The following STK3 variants were observed in gnomAD, a reference collection of about 807,000 sequenced individuals.
STK3 encodes the protein serine/threonine kinase 3.
In STK3, 41 loss-of-function variants were observed where a neutral mutation model predicts 58.0. The observed-to-expected ratio is 0.71, with a 90% CI of 0.55 to 0.92. The LOEUF is 0.92. STK3 is among the 40% of genes least tolerant of loss of function. The pLI is 0.00. For synonymous variants in STK3, 170 were observed against 191.0 expected (o/e 0.89, Z 0.91); for missense variants, 479 against 602.7 (o/e 0.79, Z 2.15).
intron 6 of STK3, among the ~76,000 whole-genome samples, chr8:98,652,897 T>C (rs1285643794): frequency 1.3e-4 from 20 of 151,934 alleles, no homozygotes; most frequent in Admixed American, 2.6e-4. Flanking sequence ...ACTTTAACAC[T>C]CCACTGTCAA....
chr8:98,499,300 T>C (rs905414833), intron 10 of STK3, among the ~76,000 whole-genome samples: 115 of 152,302 alleles, frequency 7.6e-4, no homozygotes, highest in African/African-American at 2.6e-3. Context: ...CTGGTCCACA[T>C]AACTATAAAA....
intron 1 of STK3, among the ~76,000 whole-genome samples, chr8:98,902,238 C>T (rs1410022945): frequency 6.6e-6 from 1 of 152,152 alleles, no homozygotes; most frequent in Admixed American, 6.5e-5. Context: ...TGACCTCATC[C>T]ATTTCCATGA....
intron 6 of STK3, among the ~76,000 whole-genome samples, chr8:98,661,707 T>C (rs752915664): frequency 1.3e-4 from 20 of 151,794 alleles, no homozygotes; most frequent in Non-Finnish European, 2.2e-4. Flanking sequence ...AATCACCACA[T>C]ACATAAATAA....
chr8:98,770,237 C>A (rs921327922), intron 2 of STK3, among the ~76,000 whole-genome samples: 4 of 152,146 alleles, frequency 2.6e-5, no homozygotes, highest in African/African-American at 9.7e-5. Flanking sequence ...GTCCTCCAGA[C>A]CACTCCACCA....
At chr8:98,762,857 G>A (rs1416684757) in intron 3 of STK3, among the ~76,000 whole-genome samples, 1 of 152,150 alleles carries the variant, frequency 6.6e-6, no homozygotes, top group Non-Finnish European at 1.5e-5. Context: ...TGAACTGTTG[G>A]AATCTTTTTA....
chr8:98,899,388 C>A (rs911101117), intron 1 of STK3, among the ~76,000 whole-genome samples: 2 of 152,142 alleles, frequency 1.3e-5, no homozygotes, highest in Non-Finnish European at 2.9e-5. Flanking sequence ...ATTCAACCAA[C>A]CTCAGATCAA....
intron 10 of STK3, among the ~76,000 whole-genome samples, chr8:98,518,092 TC>T (rs1431385645): frequency 6.6e-6 from 1 of 152,112 alleles, no homozygotes; most frequent in African/African-American, 2.4e-5. Flanking sequence ...TTCTTGGAGC[TC>T]TTTTTGTAAG....
intron 10 of STK3, among the ~76,000 whole-genome samples, chr8:98,469,125 AAAAG>A (rs1468314590): frequency 6.6e-6 from 1 of 151,554 alleles, no homozygotes; most frequent in Admixed American, 6.6e-5. Flanking sequence ...AAAAAGAAAG[AAAAG>A]AAAGATGAGA....
intron 3 of STK3, among the ~76,000 whole-genome samples, chr8:98,833,550 A>G (rs551076105): frequency 6.6e-6 from 1 of 152,106 alleles, no homozygotes; most frequent in South Asian, 2.1e-4. Context: ...AAATATCTCA[A>G]AGAAATATAT....
chr8:98,599,804 T>C (rs1448297065), intron 6 of STK3, among the ~76,000 whole-genome samples: 5 of 151,956 alleles, frequency 3.3e-5, no homozygotes, highest in African/African-American at 1.2e-4. Flanking sequence ...AAACCCTGTC[T>C]CTCCCAAAAA....
At chr8:98,379,850 T>A (rs1251630612) in intron 1 of STK3, among the ~76,000 whole-genome samples, 4 of 152,204 alleles carry the variant, frequency 2.6e-5, no homozygotes, top group African/African-American at 9.7e-5. Context: ...AGAACTCCCA[T>A]GTTCATTGCA....
chr8:98,427,915 G>A (rs1654835390), intron 3 of STK3: 4 of 1,368,596 alleles, frequency 2.9e-6, no homozygotes, highest in Admixed American at 2.8e-5. Flanking sequence ...CGCTCTCGCC[G>A]ACGCTGTTCC....
intron 3 of STK3, among the ~76,000 whole-genome samples, chr8:98,838,888 G>A (rs906128503): frequency 2.7e-5 from 4 of 147,976 alleles, no homozygotes; most frequent in African/African-American, 7.5e-5. Flanking sequence ...CCCTACCATC[G>A]AGGCCGTTTA....
chr8:98,448,762 T>C (rs936321797), intron 1 of STK3, among the ~76,000 whole-genome samples: 2 of 152,222 alleles, frequency 1.3e-5, no homozygotes, highest in African/African-American at 4.8e-5. Flanking sequence ...GACTCACTTT[T>C]CTGTTGAGGA....
intron 3 of STK3, among the ~76,000 whole-genome samples, chr8:98,415,861 G>A (rs566689998): frequency 6.6e-6 from 1 of 152,262 alleles, no homozygotes; most frequent in South Asian, 2.1e-4. Flanking sequence ...AGCATTATTT[G>A]TTCATCAGGG....
intron 3 of STK3, among the ~76,000 whole-genome samples, chr8:98,762,765 T>C (rs1040259854): frequency 2.6e-5 from 4 of 152,244 alleles, no homozygotes; most frequent in Non-Finnish European, 5.9e-5. Flanking sequence ...TGTGATTACC[T>C]TGTGTACATA....
rs549734780 is a variant in STK3, at chr8:98,918,408, T to C, written c.-79+23970A>G. The stretch of plus-strand genomic sequence containing the variant: ...TAATCAATGCTTAACAAATATTCTT[T>C]CCTCTCTGCTGAGATCCAGAACTAC... On this transcript the variant is annotated intron_variant, in intron 1 of 1. Transcript: ENST00000519420. 1.8e-4 allele frequency among the ~76,000 whole-genome samples: 28 copies of C among 152,266 alleles called. 1 individual carries two copies. Among genetic ancestry groups the C allele is most frequent in the African/African-American group, 6.7e-4 (28 of 41,538 alleles).
At chr8:98,585,715 T>C (rs1356005905) in intron 7 of STK3, among the ~76,000 whole-genome samples, 2 of 152,144 alleles carry the variant, frequency 1.3e-5, no homozygotes, top group African/African-American at 4.8e-5. Context: ...ATATTGATTC[T>C]TCCTACCCAT....
At chr8:98,440,222 G>A (rs1315443285) in intron 1 of STK3, among the ~76,000 whole-genome samples, 9 of 152,168 alleles carry the variant, frequency 5.9e-5, no homozygotes, top group Admixed American at 3.9e-4. Flanking sequence ...GACCGAGAGT[G>A]TGACCAGAGG....
Sources: allele counts gnomAD v4.1 joint callset (sites outside exome capture counted in the v4.1 genomes callset), GRCh38; gene constraint gnomAD v4.1.1; transcripts MANE v1.5; gene names NCBI Gene and HGNC (gene_info 2026-07-23, HGNC 2026-07-21).